CCDC150: variants seen among roughly 807,000 people sequenced by gnomAD.
The protein encoded by CCDC150 is coiled-coil domain-containing protein 150.
CCDC150 carries 151 observed loss-of-function variants against 156.5 expected under a neutral mutation model. The observed-to-expected ratio is 0.97, with a 90% CI of 0.85 to 1.10. The LOEUF is 1.10. Ranked by LOEUF, CCDC150 falls within the 50% of genes least tolerant of loss-of-function variation. The pLI is 0.00. For missense variants in CCDC150, 1,312 were observed against 1,268.1 expected (o/e 1.03, Z -0.53); for synonymous variants, 452 against 429.4 (o/e 1.05, Z -0.65).
chr2:196,717,017 C>T (rs1429582561), intron 17 of CCDC150, among the ~76,000 whole-genome samples: 1 of 150,950 alleles, frequency 6.6e-6, no homozygotes, highest in South Asian at 2.1e-4. Context: ...CCCGCCACCA[C>T]GCCCAGCTAA....
rs535639205 is a variant in CCDC150 at position 196,668,544 on chromosome 2, G to A, written c.893-1289G>A. Among the ~76,000 whole-genome samples, 9 of 152,238 alleles carry A rather than the reference G, an allele frequency of 5.9e-5. No homozygotes were observed. The East Asian group carries it at 1.7e-3, about 29-fold the overall frequency. On this transcript the variant is annotated intron_variant, in intron 7 of 27. Coordinates refer to ENST00000389175, the MANE Select transcript of CCDC150 (RefSeq NM_001080539.2). ...TTCAAACTGACATGAGGAAAAGGAA[G>A]CCTGTCTGAATGCCAGCTAGGTGCA...
intron 2 of CCDC150, among the ~76,000 whole-genome samples, chr2:196,654,312 A>T (rs1263115911): frequency 1.3e-5 from 2 of 149,316 alleles, no homozygotes; most frequent in South Asian, 2.1e-4. Flanking sequence ...TTTTTTTTTT[A>T]TTATTATTAT....
At chr2:196,684,023 T>C (rs1384882026) in intron 13 of CCDC150, among the ~76,000 whole-genome samples, 1 of 152,036 alleles carries the variant, frequency 6.6e-6, no homozygotes, top group Non-Finnish European at 1.5e-5. Flanking sequence ...TTCTTTATGT[T>C]TGCTTGGGGT....
intron 5 of CCDC150, 60 bp from the exon 6 acceptor site, chr2:196,665,507 T>A: frequency 1.0e-6 from 1 of 972,594 alleles, no homozygotes. Flanking sequence ...CAGGTAACTT[T>A]GATCTTTGTT....
chr2:196,707,363 T>C (rs867134046), intron 15 of CCDC150, among the ~76,000 whole-genome samples: 2 of 152,208 alleles, frequency 1.3e-5, no homozygotes, highest in South Asian at 2.1e-4. Flanking sequence ...ATCCCCTTTA[T>C]CATTTTTTTA....
chr2:196,646,333 A>T lies in CCDC150; in HGVS notation c.13-8A>T, dbSNP rs747131196. ...CCTACCACACTAAGATTGTGACTGT[A>T]TTCTTAGGTACATATGGAAACTACA... On this transcript the variant is annotated splice_region_variant and splice_polypyrimidine_tract_variant and intron_variant, in intron 1 of 27. Transcript: ENST00000389175. 6.2e-7 allele frequency: 1 copy of T among 1,613,174 alleles called. No homozygotes were observed. The highest frequency in any genetic ancestry group is 8.5e-7 in the Non-Finnish European group (1 of 1,179,210).
chr2:196,687,757 T>C (rs996623237), intron 13 of CCDC150, among the ~76,000 whole-genome samples: 7 of 152,180 alleles, frequency 4.6e-5, no homozygotes, highest in African/African-American at 1.7e-4. Context: ...CCTTAAGCTA[T>C]TTTGAGTTAA....
intron 13 of CCDC150, among the ~76,000 whole-genome samples, chr2:196,684,348 TATGTGA>T (rs919470568): frequency 2.5e-4 from 38 of 152,264 alleles, no homozygotes; most frequent in African/African-American, 8.9e-4. Context: ...TTTATTCACA[TATGTGA>T]ATTCCCCAAA....
chr2:196,722,055 A>C (rs1434716552), intron 21 of CCDC150, among the ~76,000 whole-genome samples: 1 of 152,206 alleles, frequency 6.6e-6, no homozygotes, highest in South Asian at 2.1e-4. Flanking sequence ...GACAAGAAAA[A>C]ACATCAGCCT....
At position 196,721,672 on chromosome 2, in the gene CCDC150, C is replaced by A. The variant is rs530798899; in HGVS notation, c.2410C>A (p.Gln804Lys). ...ATTGGAAAGCAAAGAACTTGAGCGACAGAATTTGGAAACCTTCAAGTAAGA... is the reference window on the plus strand; with the variant it reads ...ATTGGAAAGCAAAGAACTTGAGCGAAAGAATTTGGAAACCTTCAAGTAAGA... ...EQLESKELER[Q>K]NLETFKDRMT... Residue 804 changes from glutamine to lysine, a missense_variant, in exon 21 of 28, where the codon CAG (glutamine) becomes AAG (lysine). Transcript: ENST00000389175. 2.8e-5 allele frequency: 45 copies of A among 1,598,268 alleles called. No homozygotes were observed. In the East Asian group the frequency reaches 9.7e-4, roughly 34 times the overall value.
At chr2:196,680,763 A>G (rs1035781642) in intron 13 of CCDC150, among the ~76,000 whole-genome samples, 1 of 152,132 alleles carries the variant, frequency 6.6e-6, no homozygotes, top group African/African-American at 2.4e-5. Context: ...GGGTCATGTG[A>G]TTACTCCATG....
chr2:196,701,119 A>C lies in CCDC150; in HGVS notation c.1634A>C (p.Gln545Pro), dbSNP rs541686536. The C allele has an allele frequency of 5.6e-6, 9 of 1,608,698 alleles. No individual in the cohort carries two copies. The African/African-American group carries it at 6.7e-5, about 12-fold the overall frequency. ...VTSDYHGLAQ[Q>P]KVEKITESKN... ...TGTTTGCCTTATCAGCTTGCCCAAC[A>C]GAAGGTGGAAAAAATCACTGAAAGT... The change falls in exon 15 of 28, where the codon CAG becomes CCG. Residue 545 changes from glutamine to proline, a missense_variant. Coordinates refer to ENST00000389175, the MANE Select transcript of CCDC150 (RefSeq NM_001080539.2).
intron 13 of CCDC150, among the ~76,000 whole-genome samples, chr2:196,678,711 T>A (rs781651349): frequency 6.6e-6 from 1 of 152,144 alleles, no homozygotes; most frequent in African/African-American, 2.4e-5. Context: ...GAGACCAGCC[T>A]GGCCAACAAG....
chr2:196,699,409 A>G (rs1319499299), intron 14 of CCDC150, among the ~76,000 whole-genome samples: 1 of 152,196 alleles, frequency 6.6e-6, no homozygotes, highest in African/African-American at 2.4e-5. Flanking sequence ...ATTTTACGGT[A>G]GGTGGTATAC....
At chr2:196,654,043 G>A (rs954402053) in intron 2 of CCDC150, among the ~76,000 whole-genome samples, 1 of 152,124 alleles carries the variant, frequency 6.6e-6, no homozygotes, top group Non-Finnish European at 1.5e-5. Flanking sequence ...TAGATAGCCA[G>A]CTCTTGTGTG....
chr2:196,722,590 T>G (rs1047546778), intron 21 of CCDC150, among the ~76,000 whole-genome samples: 3 of 152,198 alleles, frequency 2.0e-5, no homozygotes, highest in Non-Finnish European at 4.4e-5. Context: ...TATTTATTAT[T>G]TTCAATTAGT....
Position 196,695,060 on chromosome 2 carries a change from A to C in CCDC150, c.1524A>C (p.Thr508=), listed in dbSNP as rs1436198260. ...ELAKNKVDIN[T]LTHNLQTLEE... is the part of the protein sequence containing the mutation. ...TTTCTTTAAAGGTAGACATAAATAC[A>C]TTAACTCATAACCTGCAGACTCTTG... Residue 508 remains threonine, a synonymous_variant, in exon 14 of 28, where the codon ACA becomes ACC. Coordinates refer to ENST00000389175, the MANE Select transcript of CCDC150 (RefSeq NM_001080539.2). The C allele has an allele frequency of 1.3e-6, 2 of 1,595,256 alleles. No individual in the cohort carries two copies. The highest frequency in any genetic ancestry group is 3.4e-5 in the Admixed American group (2 of 57,976).
Position 196,679,609 on chromosome 2 carries a change from A to G in CCDC150, c.1509+2248A>G, listed in dbSNP as rs142352128. On this transcript the variant is annotated intron_variant, in intron 13 of 27. Transcript: ENST00000389175. ...TATATAAATATTCAGATATGCACATATGTATTTCTGTTGGGTAAATATCAA... is the reference window on the plus strand; with the variant it reads ...TATATAAATATTCAGATATGCACATGTGTATTTCTGTTGGGTAAATATCAA... Among the ~76,000 whole-genome samples the G allele has an allele frequency of 2.6e-3, 394 of 152,340 alleles. 2 individuals carry two copies. The highest frequency in any genetic ancestry group is 9.0e-3 in the African/African-American group (374 of 41,584).
chr2:196,663,749 A>T (rs1025046211), intron 5 of CCDC150, among the ~76,000 whole-genome samples: 7 of 152,170 alleles, frequency 4.6e-5, no homozygotes, highest in Admixed American at 4.6e-4. Flanking sequence ...AACCTTTAAA[A>T]AATGTTTTAA....
Sources: allele counts gnomAD v4.1 joint callset (sites outside exome capture counted in the v4.1 genomes callset), GRCh38; gene constraint gnomAD v4.1.1; transcripts MANE v1.5; gene names NCBI Gene and HGNC (gene_info 2026-07-23, HGNC 2026-07-21).